MDFI: variants seen among roughly 807,000 people sequenced by gnomAD.
MDFI encodes the protein inhibitor of MyoD family a.
MDFI carries 16 observed loss-of-function variants against 22.3 expected under a neutral mutation model. That is an observed-to-expected ratio of 0.72 (90% CI 0.49 to 1.09). The LOEUF (loss-of-function observed/expected upper bound fraction) is 1.09. Among genes scored for constraint, MDFI ranks in the 50% least tolerant of loss-of-function variants. The pLI is 0.00. For synonymous variants in MDFI, 145 were observed against 142.7 expected, an observed-to-expected ratio of 1.02 and a Z score of -0.12; for missense variants, 314 against 326.1, an observed-to-expected ratio of 0.96 and a Z score of 0.29.
At chr6:41,640,019 G>C (rs2127425785) in intron 2 of MDFI, 2 of 805,070 alleles carry the variant, frequency 2.5e-6, no homozygotes, top group East Asian at 1.3e-4. Flanking sequence ...TGAGGCCAGT[G>C]TGTCTACAGC....
intron 2 of MDFI, among the ~76,000 whole-genome samples, chr6:41,644,541 G>T (rs1307054111): frequency 6.6e-6 from 1 of 152,058 alleles, no homozygotes; most frequent in Admixed American, 6.5e-5. Flanking sequence ...GAGGGTCACT[G>T]AGGGTCATGG....
intron 2 of MDFI, among the ~76,000 whole-genome samples, chr6:41,640,708 G>T (rs910907734): frequency 6.6e-6 from 1 of 152,138 alleles, no homozygotes; most frequent in African/African-American, 2.4e-5. Flanking sequence ...GGAGCAAGTC[G>T]GCCTCCTCCC....
chr6:41,647,609 C>T lies in MDFI; in HGVS notation c.259+1301C>T, dbSNP rs114274432. 9.0e-3 allele frequency among the ~76,000 whole-genome samples: 1,364 copies of T among 152,216 alleles called. 26 individuals carry two copies. Among genetic ancestry groups the T allele is most frequent in the African/African-American group, 0.03 (1,251 of 41,530 alleles). On this transcript the variant is annotated intron_variant, in intron 3 of 4. Coordinates refer to ENST00000230321, the MANE Select transcript of MDFI (RefSeq NM_005586.4). ...CTGCTTCCCACCCTCCCCCGATCCCCCACCTTGTCCTCAGCTCCTTTCTCC... is the reference window on the plus strand; with the variant it reads ...CTGCTTCCCACCCTCCCCCGATCCCTCACCTTGTCCTCAGCTCCTTTCTCC...
chr6:41,650,853 C>T (rs2268407), intron 4 of MDFI, among the ~76,000 whole-genome samples: 54,210 of 151,726 alleles, frequency 0.36, 10,316 homozygotes, highest in Admixed American at 0.51. Flanking sequence ...GGATTACCGG[C>T]GTGAGCCACC....
At chr6:41,639,835 T>C in intron 2 of MDFI, 1 of 985,464 alleles carries the variant, frequency 1.0e-6, no homozygotes, top group Non-Finnish European at 1.2e-6. Flanking sequence ...GCTCCTTCCC[T>C]TCTCTGGCCT....
In MDFI at chr6:41,638,638, G is replaced by A. The variant is rs1767721745; in HGVS notation, c.-26G>A. ...GGGGATCCGGCTGGAAGAGAGCGTAGCACGGCTCGCACGAGTGAGTGGACG... is the reference window on the plus strand; with the variant it reads ...GGGGATCCGGCTGGAAGAGAGCGTAACACGGCTCGCACGAGTGAGTGGACG... On this transcript the variant is annotated 5_prime_UTR_variant, in exon 1 of 5. An upstream open reading frame in the 5' UTR loses its in-frame stop. Coordinates refer to ENST00000230321, the MANE Select transcript of MDFI (RefSeq NM_005586.4). The surrounding 1 kb of genome is among the most constrained non-coding windows in gnomAD (Gnocchi z 7.6). The A allele has an allele frequency of 7.9e-7, 1 of 1,263,942 alleles. No homozygotes were observed. Among genetic ancestry groups the A allele is most frequent in the Non-Finnish European group, 1.1e-6 (1 of 913,894 alleles). 78.3% of individuals were successfully genotyped at this position (1,263,942 alleles called of 1,614,324 possible).
chr6:41,653,533 G>A lies in MDFI; in HGVS notation c.699G>A (p.Leu233=), dbSNP rs2230088. 236,319 of 1,601,230 alleles carry A rather than the reference G, an allele frequency of 0.15. 19,279 individuals carry two copies. Among genetic ancestry groups the A allele is most frequent in the Middle Eastern group, 0.21 (1,289 of 6,060 alleles). The change falls in exon 5 of 5, where the codon CTG becomes CTA. Residue 233 remains leucine (L), a synonymous_variant. Coordinates refer to ENST00000230321, the MANE Select transcript of MDFI (RefSeq NM_005586.4). The surrounding 1 kb of genome is among the most constrained non-coding windows in gnomAD (Gnocchi z 4.2). ...LDACCESADC[L]EICMECCGLC... ...CCTGCTGCGAGTCCGCGGACTGCCT[G>A]GAGATCTGCATGGAGTGCTGTGGGC...
Position 41,646,318 on chromosome 6 carries a change from AG to A in MDFI, c.259+15del, listed in dbSNP as rs34060722. The A allele has an allele frequency of 2.1e-6, 3 of 1,412,862 alleles. No individual in the cohort carries two copies. The highest frequency in any genetic ancestry group is 3.5e-5 in the South Asian group (2 of 57,746). The allele number at this position is 1,412,862 out of a possible 1,614,324, so 87.5% of individuals were successfully genotyped here. A position where few individuals can be genotyped will look rare whatever the true frequency, so the allele number is the denominator to read the frequency against. On this transcript the variant is annotated intron_variant, in intron 3 of 4. Transcript: ENST00000230321. ...ACAGAAGCTGTGACATGTGAGTCCT[AG>A]GGGGCCAGGAGGTTGGATGGCAACA...
intron 2 of MDFI, among the ~76,000 whole-genome samples, chr6:41,640,243 C>G (rs1049531807): frequency 3.3e-5 from 5 of 152,176 alleles, no homozygotes; most frequent in African/African-American, 1.2e-4. Flanking sequence ...CTCCTGCTCT[C>G]CCATCCTCTT....
chr6:41,649,586 T>G (rs1406194935), intron 3 of MDFI, 33 bp from the exon 4 acceptor site: 3 of 1,523,640 alleles, frequency 2.0e-6, no homozygotes, highest in Admixed American at 4.0e-5. Flanking sequence ...ACCCCCACCC[T>G]TTTCCCATCA....
intron 4 of MDFI, 181 bp downstream of exon 4, chr6:41,650,024 C>T (rs1185110034): frequency 6.5e-6 from 4 of 612,716 alleles, no homozygotes; most frequent in Admixed American, 3.2e-5. Flanking sequence ...CTGCAGGGAA[C>T]CTGACGCATG....
At chr6:41,646,421 G>A (rs1768055524) in intron 3 of MDFI, 113 bp downstream of exon 3, 1 of 942,516 alleles carries the variant, frequency 1.1e-6, no homozygotes, top group Non-Finnish European at 1.4e-6. Context: ...AACCTTGAGT[G>A]TGGCAGCACA....
chr6:41,640,387 C>T (rs941510474), intron 2 of MDFI, among the ~76,000 whole-genome samples: 5 of 152,190 alleles, frequency 3.3e-5, no homozygotes, highest in Non-Finnish European at 5.9e-5. Flanking sequence ...TGCACACAAC[C>T]GGGGCCAGCG....
Position 41,649,737 on chromosome 6 carries a change from C to T in MDFI, c.378C>T (p.Ala126=). ...ATGGTGCCCTGGGTGGCCCCAAGGC[C>T]CACCGGAAGTTGCAGACACACCCAT... ...AGNGALGGPK[A]HRKLQTHPSL... Residue 126 remains alanine (A), a synonymous_variant, in exon 4 of 5, where the codon GCC becomes GCT. Transcript: ENST00000230321. The T allele has an allele frequency of 1.2e-6, 2 of 1,614,072 alleles. No individual in the cohort carries two copies. The highest frequency in any genetic ancestry group is 1.7e-6 in the Non-Finnish European group (2 of 1,180,006).
chr6:41,649,609 A>G lies in MDFI; in HGVS notation c.260-10A>G. The G allele has an allele frequency of 6.4e-7, 1 of 1,562,996 alleles. No individual in the cohort carries two copies. Among genetic ancestry groups the G allele is most frequent in the East Asian group, 2.3e-5 (1 of 43,992 alleles). On this transcript the variant is annotated splice_polypyrimidine_tract_variant and intron_variant, in intron 3 of 4. Transcript: ENST00000230321. ...CCTTTTCCCATCACACTTTCTCTTC[A>G]TCTCTCCAGGCCAGCCTCAGGGGAA... is the stretch of plus-strand genomic sequence containing the variant.
chr6:41,644,719 C>G (rs1362092867), intron 2 of MDFI, among the ~76,000 whole-genome samples: 2 of 151,994 alleles, frequency 1.3e-5, no homozygotes, highest in South Asian at 2.1e-4. Flanking sequence ...CTCTTTGCCT[C>G]TCTCCCCCAC....
chr6:41,637,814 A>G (rs1054160785), upstream of MDFI, among the ~76,000 whole-genome samples: 1 of 152,042 alleles, frequency 6.6e-6, no homozygotes, highest in Non-Finnish European at 1.5e-5. This position sits in a 1 kb window ranked among gnomAD's most constrained non-coding sequence, Gnocchi z 6.8. Flanking sequence ...TTTGCCCCCA[A>G]AGTCGGTTTT....
At position 41,638,836 on chromosome 6, in the gene MDFI, G is replaced by C; in HGVS notation, c.76+11G>C. On this transcript the variant is annotated intron_variant, in intron 2 of 4. Coordinates refer to ENST00000230321, the MANE Select transcript of MDFI (RefSeq NM_005586.4). The surrounding 1 kb of genome is among the most constrained non-coding windows in gnomAD (Gnocchi z 7.6). ...CAGCCCCGGGCCCAGGTAGGACCGG[G>C]AGTGGCGAGCGAAGCTGGACAGGGG... The C allele has an allele frequency of 6.5e-7, 1 of 1,547,724 alleles. No individual in the cohort carries two copies. Among genetic ancestry groups the C allele is most frequent in the Admixed American group, 1.9e-5 (1 of 51,912 alleles).
intron 2 of MDFI, among the ~76,000 whole-genome samples, chr6:41,642,011 G>A (rs1034882494): frequency 6.6e-6 from 1 of 152,156 alleles, no homozygotes; most frequent in African/African-American, 2.4e-5. Flanking sequence ...CAGAGCTCCA[G>A]GCATTTACCA....
Sources: allele counts gnomAD v4.1 joint callset (sites outside exome capture counted in the v4.1 genomes callset), GRCh38; gene constraint gnomAD v4.1.1; non-coding constraint Gnocchi (gnomAD v3.1); transcripts MANE v1.5; gene names NCBI Gene and HGNC (gene_info 2026-07-23, HGNC 2026-07-21).